Variants in ATP6V0A2 observed in about 807,000 individuals in gnomAD.
ATP6V0A2 encodes ATPase H+ transporting V0 subunit a2.
A neutral mutation model predicts 104.4 loss-of-function variants in ATP6V0A2; 58 were observed. The ratio of observed to expected loss-of-function variants is 0.56; its 90% CI spans 0.45 to 0.69. ATP6V0A2 has a LOEUF of 0.69. Ranked by LOEUF, ATP6V0A2 falls within the 30% of genes least tolerant of loss-of-function variation. The pLI is 0.00. For synonymous variants in ATP6V0A2, 376 were observed against 397.9 expected, an observed-to-expected ratio of 0.95 and a Z score of 0.65; for missense variants, 938 against 1,062.9, an observed-to-expected ratio of 0.88 and a Z score of 1.63.
intron 1 of ATP6V0A2, 63 bp downstream of exon 1, chr12:123,712,745 C>A: frequency 7.3e-7 from 1 of 1,378,352 alleles, no homozygotes; most frequent in South Asian, 1.2e-5. Context: ...TCCCGCGCAT[C>A]GCTGGGGCCC....
intron 10 of ATP6V0A2, 41 bp downstream of exon 10, chr12:123,743,976 A>G: frequency 1.2e-6 from 2 of 1,611,152 alleles, no homozygotes; most frequent in East Asian, 4.5e-5. Context: ...TTCCAATGGC[A>G]TTGTTGCATT....
At chr12:123,719,517 G>T (rs1047748946) in intron 2 of ATP6V0A2, among the ~76,000 whole-genome samples, 1 of 151,924 alleles carries the variant, frequency 6.6e-6, no homozygotes, top group Non-Finnish European at 1.5e-5. Context: ...CGCCCTAGTA[G>T]CTGGGACTAT....
intron 2 of ATP6V0A2, among the ~76,000 whole-genome samples, chr12:123,719,196 T>C (rs1486803941): frequency 6.6e-6 from 1 of 152,234 alleles, no homozygotes; most frequent in Admixed American, 6.5e-5. Context: ...TTCCTTTTTC[T>C]CAGGGCTTCC....
rs968755622 is a variant in ATP6V0A2, at chr12:123,759,613, G to C, written c.*1581G>C. 1 of 152,076 alleles carries C rather than the reference G, an allele frequency of 6.6e-6. No individual in the cohort carries two copies. The highest frequency in any genetic ancestry group is 6.6e-5 in the Admixed American group (1 of 15,258). 9.4% of individuals were successfully genotyped at this position (152,076 alleles called of 1,614,324 possible). On this transcript the variant is annotated 3_prime_UTR_variant, in exon 20 of 20. Transcript: ENST00000330342. ...CTTCTTGACATTGTGAGTGATACAC[G>C]TTAAAAGGCTATTTGCCCGCATCCT... is the stretch of plus-strand genomic sequence containing the variant.
chr12:123,733,714 T>C, intron 6 of ATP6V0A2: 1 of 564,030 alleles, frequency 1.8e-6, no homozygotes, highest in Non-Finnish European at 3.2e-6. Flanking sequence ...CTAAAAGTTT[T>C]GGCTGCTCTG....
intron 9 of ATP6V0A2, among the ~76,000 whole-genome samples, chr12:123,741,205 C>T (rs984213703): frequency 1.3e-5 from 2 of 151,978 alleles, no homozygotes; most frequent in East Asian, 1.9e-4. Flanking sequence ...CTGAGGCGGG[C>T]GGATCACTTG....
intron 13 of ATP6V0A2, among the ~76,000 whole-genome samples, chr12:123,745,473 G>A (rs563690534): frequency 2.6e-5 from 4 of 152,218 alleles, no homozygotes; most frequent in East Asian, 1.9e-4. Context: ...TTGGGAGGCC[G>A]AGGCGGGCAG....
intron 18 of ATP6V0A2, 174 bp downstream of exon 18, chr12:123,754,711 G>C: frequency 1.6e-6 from 1 of 614,242 alleles, no homozygotes; most frequent in Non-Finnish European, 2.9e-6. Context: ...ATTTCTTTTG[G>C]CTGAGGAGTG....
At chr12:123,757,037 C>G in intron 19 of ATP6V0A2, 51 bp downstream of exon 19, 1 of 1,592,074 alleles carries the variant, frequency 6.3e-7, no homozygotes, top group Non-Finnish European at 8.6e-7. Context: ...CATACCCGCC[C>G]CCCCACTGCC....
intron 9 of ATP6V0A2, among the ~76,000 whole-genome samples, chr12:123,738,394 C>CA (rs1054215012): frequency 0.015 from 1,848 of 127,134 alleles, 16 homozygotes; most frequent in Non-Finnish European, 0.022. Context: ...AACTTTGTCT[C>CA]AAAAAAAAAA....
At chr12:123,724,528 CAAA>C (rs796749108) in intron 3 of ATP6V0A2, 123 bp from the exon 4 acceptor site, 669 of 777,178 alleles carry the variant, frequency 8.6e-4, no homozygotes, top group Middle Eastern at 1.3e-3. Context: ...GACTCCATCT[CAAA>C]AAAAAAAAAA....
At chr12:123,727,256 G>A (rs959095505) in intron 5 of ATP6V0A2, among the ~76,000 whole-genome samples, 2 of 151,770 alleles carry the variant, frequency 1.3e-5, no homozygotes, top group African/African-American at 2.4e-5. Flanking sequence ...ACAGCTGTGA[G>A]GTCCTGTTTT....
rs1260852960 is a variant in ATP6V0A2, at chr12:123,760,628, A to T, written c.*2596A>T. On this transcript the variant is annotated 3_prime_UTR_variant, in exon 20 of 20. Coordinates refer to ENST00000330342, the MANE Select transcript of ATP6V0A2 (RefSeq NM_012463.4). ...ACGACATTTCTCAGTTTTTATTTAG[A>T]TGTTTATTACCATGTGTTAACAGAA... The T allele has an allele frequency of 6.6e-6, 1 of 152,206 alleles. No individual in the cohort carries two copies. The highest frequency in any genetic ancestry group is 1.9e-4 in the East Asian group (1 of 5,208). 9.4% of individuals were successfully genotyped at this position (152,206 alleles called of 1,614,324 possible).
intron 15 of ATP6V0A2, chr12:123,750,075 A>T (rs1166777458): frequency 6.6e-6 from 1 of 152,106 alleles, no homozygotes; most frequent in African/African-American, 2.4e-5. Context: ...AGCTTTGTAC[A>T]ATGGCATAGA....
rs777847175 is a variant in ATP6V0A2 at position 123,727,792 on chromosome 12, T to C, written c.531T>C (p.Ser177=). ...QRLGAKLGFV[S]GLINQGKVEA... ...CTTTACTGTCTCACAGATTTGTGTC[T>C]GGCCTAATTAACCAAGGAAAAGTGG... Residue 177 remains serine, a synonymous_variant, in exon 6 of 20, where the codon TCT becomes TCC. Transcript: ENST00000330342. 3 of 1,614,188 alleles carry C rather than the reference T, an allele frequency of 1.9e-6. No individual in the cohort carries two copies. Among genetic ancestry groups the C allele is most frequent in the Admixed American group, 1.7e-5 (1 of 60,030 alleles).
chr12:123,742,423 C>G (rs574860177), intron 9 of ATP6V0A2, among the ~76,000 whole-genome samples: 1 of 152,068 alleles, frequency 6.6e-6, no homozygotes, highest in Non-Finnish European at 1.5e-5. Context: ...AAATGCCATC[C>G]GTAGGCTTTA....
Position 123,757,981 on chromosome 12 carries a change from C to A in ATP6V0A2, c.2520C>A (p.Phe840Leu). Residue 840 changes from phenylalanine to leucine, a missense_variant, in exon 20 of 20, where the codon TTC (phenylalanine) becomes TTA (leucine). Physicochemically the swap from Phe to Leu is conservative, Grantham distance 22. Coordinates refer to ENST00000330342, the MANE Select transcript of ATP6V0A2 (RefSeq NM_012463.4). Reference sequence around the variant, plus strand: ...GTGCAGGCACCAAATTTGTTCCTTTCTCATTCAGTCTACTTTCATCAAAGT... The same window carrying A: ...GTGCAGGCACCAAATTTGTTCCTTTATCATTCAGTCTACTTTCATCAAAGT... ...YVGAGTKFVP[F>L]SFSLLSSKFN... The A allele has an allele frequency of 6.2e-7, 1 of 1,611,112 alleles. No individual in the cohort carries two copies. Among genetic ancestry groups the A allele is most frequent in the South Asian group, 1.1e-5 (1 of 90,870 alleles).
chr12:123,737,073 C>T lies in ATP6V0A2; in HGVS notation c.840C>T (p.Thr280=), dbSNP rs139680786. Residue 280 remains threonine, a synonymous_variant, in exon 9 of 20, where the codon ACC becomes ACT. Transcript: ENST00000330342. Reference sequence around the variant, plus strand: ...TTCTTCCCCAGGTACTGCACAAAACCGAGGACTATTTGAGGCAAGTGCTAT... The same window carrying T: ...TTCTTCCCCAGGTACTGCACAAAACTGAGGACTATTTGAGGCAAGTGCTAT... ...IQDLYTVLHK[T]EDYLRQVLCK... 1.5e-5 allele frequency: 25 copies of T among 1,614,166 alleles called. No individual in the cohort carries two copies. In the Admixed American group the frequency reaches 2.3e-4, roughly 15 times the overall value.
chr12:123,744,521 G>A lies in ATP6V0A2; in HGVS notation c.1327-76G>A. 2 of 1,594,238 alleles carry A rather than the reference G, an allele frequency of 1.3e-6. No homozygotes were observed. The highest frequency in any genetic ancestry group is 1.7e-5 in the Admixed American group (1 of 59,992). On this transcript the variant is annotated intron_variant, in intron 11 of 19. Transcript: ENST00000330342. The surrounding 1 kb of genome is among the most constrained non-coding windows in gnomAD (Gnocchi z 5.4). ...TGTTTTCTGAGAAGTGAGTGGTGAG[G>A]GTCGTGCCCACACCGACAGCTGTCA...
Sources: allele counts gnomAD v4.1 joint callset (sites outside exome capture counted in the v4.1 genomes callset), GRCh38; gene constraint gnomAD v4.1.1; non-coding constraint Gnocchi (gnomAD v3.1); transcripts MANE v1.5; gene names NCBI Gene and HGNC (gene_info 2026-07-23, HGNC 2026-07-21).